The following TGFBI variants were observed in gnomAD, a reference collection of about 807,000 sequenced individuals.
TGFBI encodes the protein transforming growth factor beta induced, also known as transforming growth factor-beta-induced protein ig-h3.
A neutral mutation model predicts 73.7 loss-of-function variants in TGFBI; 50 were observed. That is an observed-to-expected ratio of 0.68 (90% confidence interval 0.54 to 0.86). TGFBI has a LOEUF of 0.86. Among genes scored for constraint, TGFBI ranks in the 40% least tolerant of loss-of-function variants. TGFBI has a pLI of 0.00. For synonymous variants in TGFBI, 362 were observed against 360.5 expected, an observed-to-expected ratio of 1.00 and a Z score of -0.05; for missense variants, 839 against 877.0, an observed-to-expected ratio of 0.96 and a Z score of 0.55.
chr5:136,062,699 C>A lies in TGFBI; in HGVS notation c.2011+12C>A. 1 of 1,566,298 alleles carries A rather than the reference C, an allele frequency of 6.4e-7. No homozygotes were observed. Among genetic ancestry groups the A allele is most frequent in the South Asian group, 1.2e-5 (1 of 84,994 alleles). ...GTCTGTGCGACTAGGTGAGTCTGGT[C>A]TGGGTTTGAAGTCATTGCAGACCTG... is the stretch of plus-strand genomic sequence containing the variant. On this transcript the variant is annotated intron_variant, in intron 16 of 16. Transcript: ENST00000442011.
intron 6 of TGFBI, chr5:136,047,906 C>T (rs1751461529): frequency 6.5e-6 from 1 of 153,700 alleles, no homozygotes; most frequent in Non-Finnish European, 1.4e-5. Flanking sequence ...TCCAGCCTGG[C>T]TTCTGACTGC....
At chr5:136,046,641 C>T in intron 4 of TGFBI, 146 bp downstream of exon 4, 1 of 1,270,006 alleles carries the variant, frequency 7.9e-7, no homozygotes, top group Non-Finnish European at 1.1e-6. Context: ...GGCTGTGGAA[C>T]TTGAGCTAAA....
chr5:136,046,482 C>T lies in TGFBI; in HGVS notation c.446C>T (p.Ala149Val), dbSNP rs76212104. The change falls in exon 4 of 17, where the codon GCC becomes GTC. Residue 149 changes from alanine to valine, a missense_variant. Coordinates refer to ENST00000442011, the MANE Select transcript of TGFBI (RefSeq NM_000358.3). ...TIFAPSNEAW[A>V]SLPAEVLDSL... is the part of the protein sequence containing the mutation. ...TTCGCCCCTAGCAACGAGGCCTGGGCCTCCTTGCCAGCTGTGAGATGACCT... is the reference window on the plus strand; with the variant it reads ...TTCGCCCCTAGCAACGAGGCCTGGGTCTCCTTGCCAGCTGTGAGATGACCT... 83 of 1,608,230 alleles carry T rather than the reference C, an allele frequency of 5.2e-5. No homozygotes were observed. Among genetic ancestry groups the T allele is most frequent in the East Asian group, 3.8e-4 (17 of 44,648 alleles).
intron 14 of TGFBI, chr5:136,061,272 C>G: frequency 1.7e-6 from 1 of 591,274 alleles, no homozygotes; most frequent in East Asian, 2.9e-5. Context: ...TTCCTTGCCT[C>G]CAGTGCAGTT....
intron 7 of TGFBI, among the ~76,000 whole-genome samples, chr5:136,052,438 TA>T (rs1289021983): frequency 6.6e-6 from 1 of 152,250 alleles, no homozygotes; most frequent in Non-Finnish European, 1.5e-5. Context: ...TTTACATTTT[TA>T]TAAAGGTGAG....
intron 1 of TGFBI, among the ~76,000 whole-genome samples, 172 bp downstream of exon 1, chr5:136,029,361 G>A (rs1159912248): frequency 2.0e-5 from 3 of 152,334 alleles, no homozygotes; most frequent in East Asian, 3.9e-4. Context: ...GAAGGAGAGA[G>A]GGAGGGAGGT....
At chr5:136,050,199 G>C (rs1751510210) in intron 7 of TGFBI, among the ~76,000 whole-genome samples, 3 of 152,202 alleles carry the variant, frequency 2.0e-5, no homozygotes, top group African/African-American at 7.2e-5. Context: ...TGGGCATGGT[G>C]GTGGGCACCT....
chr5:136,045,949 TTC>T (rs1751419145), intron 3 of TGFBI: 1 of 163,320 alleles, frequency 6.1e-6, no homozygotes, highest in African/African-American at 2.4e-5. Flanking sequence ...TAGTCTCTTA[TTC>T]TAATAGAAGC....
intron 7 of TGFBI, 142 bp downstream of exon 7, chr5:136,049,722 T>C (rs1751499373): frequency 2.1e-6 from 2 of 966,340 alleles, no homozygotes; most frequent in Non-Finnish European, 3.0e-6. Flanking sequence ...GGGGTCATCC[T>C]GTCCTGTTGC....
intron 2 of TGFBI, among the ~76,000 whole-genome samples, chr5:136,040,824 C>G (rs563171749): frequency 5.3e-5 from 8 of 152,286 alleles, no homozygotes; most frequent in African/African-American, 1.9e-4. Flanking sequence ...CCATCCTTTC[C>G]TATGTTCATC....
intron 6 of TGFBI, 130 bp from the exon 7 acceptor site, chr5:136,049,309 C>A: frequency 7.7e-7 from 1 of 1,299,322 alleles, no homozygotes; most frequent in Non-Finnish European, 1.0e-6. Flanking sequence ...TTGGGTTTGG[C>A]TTCTGTTTTC....
At chr5:136,034,556 G>A (rs930884263) in intron 2 of TGFBI, among the ~76,000 whole-genome samples, 1 of 151,622 alleles carries the variant, frequency 6.6e-6, no homozygotes, top group Admixed American at 6.6e-5. Flanking sequence ...TATCACCCTA[G>A]ATTTGCAAAT....
chr5:136,029,835 T>C (rs1333870603), intron 1 of TGFBI, among the ~76,000 whole-genome samples: 2 of 152,330 alleles, frequency 1.3e-5, no homozygotes, highest in Non-Finnish European at 1.5e-5. Flanking sequence ...TCCTGAGTGG[T>C]TCCACTTTCC....
chr5:136,062,698 T>C lies in TGFBI; in HGVS notation c.2011+11T>C, dbSNP rs1354405001. 1.3e-6 allele frequency: 2 copies of C among 1,566,554 alleles called. No homozygotes were observed. Among genetic ancestry groups the C allele is most frequent in the Admixed American group, 3.8e-5 (2 of 53,202 alleles). Reference sequence around the variant, plus strand: ...GGTCTGTGCGACTAGGTGAGTCTGGTCTGGGTTTGAAGTCATTGCAGACCT... The same window carrying C: ...GGTCTGTGCGACTAGGTGAGTCTGGCCTGGGTTTGAAGTCATTGCAGACCT... On this transcript the variant is annotated intron_variant, in intron 16 of 16. Coordinates refer to ENST00000442011, the MANE Select transcript of TGFBI (RefSeq NM_000358.3).
At chr5:136,063,144 G>A in intron 16 of TGFBI, 42 bp from the exon 17 acceptor site, 2 of 1,586,832 alleles carry the variant, frequency 1.3e-6, no homozygotes, top group African/African-American at 1.3e-5. Flanking sequence ...CAGACATGGG[G>A]AGATCTGCAC....
At position 136,063,418 on chromosome 5, in the gene TGFBI, C is replaced by A; in HGVS notation, c.*192C>A. On this transcript the variant is annotated 3_prime_UTR_variant, in exon 17 of 17. Transcript: ENST00000442011. ...AGATGTACTTTTTAAATCATGTTCC[C>A]CCTAAACATGGCTGTTAACCCACTG... 5.1e-6 allele frequency: 3 copies of A among 593,166 alleles called. No individual in the cohort carries two copies. The South Asian group carries it at 6.3e-5, about 12-fold the overall frequency. The allele number at this position is 593,166 out of a possible 1,614,324, so 36.7% of individuals were successfully genotyped here.
At chr5:136,056,883 T>C (rs1751645080) in intron 12 of TGFBI, 88 bp downstream of exon 12, 28 of 1,465,880 alleles carry the variant, frequency 1.9e-5, no homozygotes, top group Non-Finnish European at 2.4e-5. Flanking sequence ...ACATCAAGGA[T>C]TGACTTGAAG....
In TGFBI at chr5:136,060,871, C is replaced by T; in HGVS notation, c.1841C>T (p.Ala614Val). The T allele has an allele frequency of 6.2e-7, 1 of 1,602,106 alleles. No individual in the cohort carries two copies. Among genetic ancestry groups the T allele is most frequent in the Non-Finnish European group, 8.5e-7 (1 of 1,171,382 alleles). ...NVVSVNKEPV[A>V]EPDIMATNGV... is the part of the protein sequence containing the mutation. ...GTGAGTGTCAACAAGGAGCCTGTTG[C>T]CGAGCCTGACATCATGGCCACAAAT... The change falls in exon 14 of 17, where the codon GCC (alanine) becomes GTC (valine). Residue 614 changes from alanine (A) to valine (V), a missense_variant. Transcript: ENST00000442011.
intron 12 of TGFBI, among the ~76,000 whole-genome samples, 182 bp downstream of exon 12, chr5:136,056,977 C>A (rs559551498): frequency 6.6e-6 from 1 of 152,262 alleles, no homozygotes; most frequent in South Asian, 2.1e-4. Flanking sequence ...GGACTAGCAA[C>A]CCTGGGAAGC....
Sources: gnomAD v4.1 joint callset for allele counts (sites outside exome capture counted in the v4.1 genomes callset) on GRCh38, gnomAD v4.1.1 for gene constraint, MANE v1.5 for transcripts, NCBI Gene and HGNC (gene_info 2026-07-23, HGNC 2026-07-21) for gene names.